The following UST variants were observed in gnomAD, a reference collection of about 807,000 sequenced individuals.
The protein encoded by UST is chondroitin sulfate 2-O-sulfotransferase.
In UST, 21 loss-of-function variants were observed where a neutral mutation model predicts 45.6. The observed-to-expected ratio is 0.46, with a 90% CI of 0.33 to 0.66. The LOEUF (loss-of-function observed/expected upper bound fraction) is 0.66, where lower values mean the gene tolerates loss of function less well. Ranked by LOEUF, UST falls within the 30% of genes least tolerant of loss-of-function variation. The probability of loss-of-function intolerance (pLI) is 0.02; values close to 1 mark genes in which losing one functional copy is unlikely to be tolerated. For synonymous variants in UST, 215 were observed against 200.6 expected (o/e 1.07, Z -0.61); for missense variants, 463 against 512.4 (o/e 0.90, Z 0.93).
chr6:148,938,811 A>G (rs1203112160), intron 2 of UST, among the ~76,000 whole-genome samples: 1 of 151,340 alleles, frequency 6.6e-6, no homozygotes, highest in Admixed American at 6.6e-5. Context: ...TTATATCAAA[A>G]TAGATAAACA....
intron 1 of UST, among the ~76,000 whole-genome samples, chr6:148,783,667 A>G (rs1284391192): frequency 1.3e-5 from 2 of 152,226 alleles, no homozygotes; most frequent in African/African-American, 4.8e-5. Flanking sequence ...GAGGCCTTAG[A>G]GATGAACTTG....
intron 7 of UST, among the ~76,000 whole-genome samples, chr6:149,059,381 C>T (rs1776619822): frequency 6.6e-6 from 1 of 152,240 alleles, no homozygotes; most frequent in East Asian, 1.9e-4. Flanking sequence ...AGGGTGTTCA[C>T]CTGGCTCTGC....
intron 3 of UST, among the ~76,000 whole-genome samples, chr6:148,952,339 A>G (rs909977644): frequency 9.9e-5 from 15 of 152,180 alleles, no homozygotes; most frequent in Non-Finnish European, 2.1e-4. Context: ...GCAGGATTCA[A>G]TTTCCTTTTA....
At chr6:149,032,501 C>G (rs945945846) in intron 7 of UST, 1 of 153,856 alleles carries the variant, frequency 6.5e-6, no homozygotes, top group Non-Finnish European at 1.4e-5. Context: ...CTGGGCCCAC[C>G]AGCATGGACT....
intron 1 of UST, among the ~76,000 whole-genome samples, chr6:148,771,179 A>T (rs1317873933): frequency 3.9e-5 from 6 of 152,228 alleles, no homozygotes; most frequent in Non-Finnish European, 8.8e-5. Flanking sequence ...TTATTTCAAT[A>T]ACTTTGATCA....
rs918584056 is a variant in UST at position 148,868,712 on chromosome 6, T to C, written c.248-18274T>C. Among the ~76,000 whole-genome samples, 4 of 152,198 alleles carry C rather than the reference T, an allele frequency of 2.6e-5. No homozygotes were observed. The East Asian group carries it at 7.7e-4, about 29-fold the overall frequency. On this transcript the variant is annotated intron_variant, in intron 1 of 7. Coordinates refer to ENST00000367463, the MANE Select transcript of UST (RefSeq NM_005715.3). The stretch of plus-strand genomic sequence containing the variant: ...GGGTTTTGAAAATTACATTAATTTA[T>C]GCCCAGGTATAACCCCCCCATCATA...
intron 2 of UST, among the ~76,000 whole-genome samples, chr6:148,900,293 C>A (rs749274607): frequency 9.2e-5 from 14 of 152,100 alleles, no homozygotes; most frequent in Non-Finnish European, 1.9e-4. Context: ...TCCTTTCACT[C>A]TCTTCTGTAT....
At chr6:148,896,857 G>A (rs1206162876) in intron 2 of UST, among the ~76,000 whole-genome samples, 5 of 152,040 alleles carry the variant, frequency 3.3e-5, no homozygotes, top group Admixed American at 1.3e-4. Context: ...TCCTAGCTAC[G>A]TCACTAGTTA....
intron 6 of UST, among the ~76,000 whole-genome samples, chr6:149,020,582 G>A (rs1297496160): frequency 6.6e-6 from 1 of 152,120 alleles, no homozygotes; most frequent in Admixed American, 6.5e-5. Flanking sequence ...ACCTTGCACA[G>A]TCTTTACAAC....
At chr6:149,033,973 G>A (rs9373584) in intron 7 of UST, among the ~76,000 whole-genome samples, 1,524 of 152,200 alleles carry the variant, frequency 0.01, 55 homozygotes, top group South Asian at 0.084. Context: ...TAATCACCGC[G>A]CTATCTGTAA....
chr6:149,055,908 A>G (rs1362748630), intron 7 of UST, among the ~76,000 whole-genome samples: 2 of 152,192 alleles, frequency 1.3e-5, no homozygotes, highest in Non-Finnish European at 2.9e-5. Flanking sequence ...AGTCATCGCA[A>G]CTACCTTCAT....
intron 5 of UST, among the ~76,000 whole-genome samples, chr6:148,998,302 G>A (rs866587583): frequency 5.3e-5 from 8 of 152,286 alleles, no homozygotes; most frequent in African/African-American, 1.9e-4. Context: ...CTGCCTCCAG[G>A]AAGTACTAAA....
intron 1 of UST, among the ~76,000 whole-genome samples, chr6:148,765,125 G>A (rs566727960): frequency 6.6e-6 from 1 of 152,306 alleles, no homozygotes; most frequent in East Asian, 1.9e-4. Flanking sequence ...TATCTCCCTT[G>A]TTCCCTGAAA....
chr6:148,951,231 TG>T (rs1298078278), intron 3 of UST, among the ~76,000 whole-genome samples: 3 of 152,252 alleles, frequency 2.0e-5, no homozygotes, highest in East Asian at 3.9e-4. Flanking sequence ...GGGAAAGAGC[TG>T]GATCAAAGGT....
chr6:149,000,257 G>A (rs746968178), intron 5 of UST, among the ~76,000 whole-genome samples: 32 of 152,096 alleles, frequency 2.1e-4, no homozygotes, highest in Non-Finnish European at 4.3e-4. Flanking sequence ...ATACAGAGGT[G>A]GAAAAACAAA....
chr6:149,023,104 GTGTGTGT>G (rs1776002138), intron 7 of UST, among the ~76,000 whole-genome samples: 3 of 5,232 alleles, frequency 5.7e-4, no homozygotes, highest in Admixed American at 3.2e-3. Context: ...GTTCTATGGT[GTGTGTGT>G]GTGTGTGTGT....
At chr6:148,810,103 A>G (rs1244484423) in intron 1 of UST, among the ~76,000 whole-genome samples, 1 of 152,234 alleles carries the variant, frequency 6.6e-6, no homozygotes, top group Admixed American at 6.5e-5. Flanking sequence ...TAGTAGCTAG[A>G]AGATAAAACC....
intron 1 of UST, among the ~76,000 whole-genome samples, chr6:148,863,597 T>A (rs752788547): frequency 2.0e-5 from 3 of 152,224 alleles, no homozygotes; most frequent in Non-Finnish European, 4.4e-5. Flanking sequence ...TTTAGAATTT[T>A]TGGCTTTTCT....
At chr6:148,964,730 G>T (rs935215384) in intron 5 of UST, 167 bp downstream of exon 5, 53 of 787,624 alleles carry the variant, frequency 6.7e-5, no homozygotes, top group Non-Finnish European at 9.9e-5. Flanking sequence ...AGAGAAACTG[G>T]TTCCGGGTGA....
Sources: gnomAD v4.1 joint callset for allele counts (sites outside exome capture counted in the v4.1 genomes callset) on GRCh38, gnomAD v4.1.1 for gene constraint, MANE v1.5 for transcripts, NCBI Gene and HGNC (gene_info 2026-07-23, HGNC 2026-07-21) for gene names.